IGSF9B: variants seen among roughly 807,000 people sequenced by gnomAD.
IGSF9B encodes immunoglobulin superfamily member 9B, also known as protein turtle homolog B.
IGSF9B carries 48 observed loss-of-function variants against 143.7 expected under a neutral mutation model. The ratio of observed to expected loss-of-function variants is 0.33; its 90% CI spans 0.26 to 0.42. The LOEUF is 0.42. Among genes scored for constraint, IGSF9B ranks in the 20% least tolerant of loss-of-function variants. The pLI is 1.00. For missense variants in IGSF9B, 1,706 were observed against 1,980.0 expected, an observed-to-expected ratio of 0.86 and a Z score of 2.63; for synonymous variants, 903 against 833.1, an observed-to-expected ratio of 1.08 and a Z score of -1.44.
chr11:133,908,388 A>T lies in IGSF9B; in HGVS notation c.*681T>A, dbSNP rs377354767. On this transcript the variant is annotated 3_prime_UTR_variant, in exon 20 of 20. Transcript: ENST00000533871. ...GCCCCATTTCTGCTCTGGGTGGGAG[A>T]AGGTAGGAGACACACGGAGAATTCA... 6.6e-6 allele frequency among the ~76,000 whole-genome samples: 1 copy of T among 151,998 alleles called. No homozygotes were observed. Among genetic ancestry groups the T allele is most frequent in the Non-Finnish European group, 1.5e-5 (1 of 68,000 alleles).
intron 3 of IGSF9B, among the ~76,000 whole-genome samples, chr11:133,942,914 C>T (rs1939977444): frequency 6.6e-6 from 1 of 152,130 alleles, no homozygotes; most frequent in South Asian, 2.1e-4. Context: ...TGGACCCACA[C>T]CAGCCTAGGG....
intron 1 of IGSF9B, among the ~76,000 whole-genome samples, chr11:133,955,401 G>A (rs1940233350): frequency 6.6e-6 from 1 of 152,242 alleles, no homozygotes; most frequent in Admixed American, 6.5e-5. Flanking sequence ...CTCAGAAGCA[G>A]AGGCGACATA....
At position 133,907,629 on chromosome 11, in the gene IGSF9B, G is replaced by A. The variant is rs1276296986; in HGVS notation, c.*1440C>T. On this transcript the variant is annotated 3_prime_UTR_variant, in exon 20 of 20. Coordinates refer to ENST00000533871, the MANE Select transcript of IGSF9B (RefSeq NM_001277285.4). ...TACCGGCAGAGAGACATCTTAGTGG[G>A]AAGATGATCTCAGGAAGCTTCTGGA... Among the ~76,000 whole-genome samples the A allele has an allele frequency of 6.6e-6, 1 of 152,228 alleles. No homozygotes were observed. Among genetic ancestry groups the A allele is most frequent in the Non-Finnish European group, 1.5e-5 (1 of 68,042 alleles).
Sources: allele counts gnomAD v4.1 joint callset (sites outside exome capture counted in the v4.1 genomes callset), GRCh38; gene constraint gnomAD v4.1.1; transcripts MANE v1.5; gene names NCBI Gene and HGNC (gene_info 2026-07-23, HGNC 2026-07-21).